Variants in LPP observed in about 807,000 individuals in gnomAD.
LPP encodes the protein LIM domain containing preferred translocation partner in lipoma, also known as lipoma-preferred partner.
LPP carries 38 observed loss-of-function variants against 60.4 expected under a neutral mutation model. The ratio of observed to expected loss-of-function variants is 0.63; its 90% CI spans 0.49 to 0.83. The LOEUF is 0.83. Among genes scored for constraint, LPP ranks in the 40% least tolerant of loss-of-function variants. The pLI is 0.00. For missense variants in LPP, 902 were observed against 783.6 expected (o/e 1.15, Z -1.80); for synonymous variants, 328 against 290.8 (o/e 1.13, Z -1.30).
intron 5 of LPP, among the ~76,000 whole-genome samples, chr3:188,496,325 C>T (rs940554129): frequency 1.3e-5 from 2 of 152,174 alleles, no homozygotes; most frequent in African/African-American, 4.8e-5. Context: ...GACAAGGTTT[C>T]ACCATGTTGG....
intron 9 of LPP, among the ~76,000 whole-genome samples, chr3:188,785,525 TATATTCCATCATATATATATATACAC>T (rs1741450466): frequency 7.6e-5 from 3 of 39,356 alleles, no homozygotes; most frequent in African/African-American, 4.0e-4. Context: ...TATATATATA[TATATTCCATCATATATATATATACAC>T]ACACACACAC....
chr3:188,549,484 G>A (rs1827509700), intron 6 of LPP, among the ~76,000 whole-genome samples: 1 of 152,186 alleles, frequency 6.6e-6, no homozygotes. Flanking sequence ...TGATAGTTCA[G>A]TGACCTGTAA....
At chr3:188,587,769 T>G (rs1435831159) in intron 6 of LPP, among the ~76,000 whole-genome samples, 1 of 152,214 alleles carries the variant, frequency 6.6e-6, no homozygotes, top group Non-Finnish European at 1.5e-5. Context: ...CTACTATTAT[T>G]TGGCTTCCTT....
In LPP at chr3:188,592,546, G is replaced by GTTTCGTTTTTTTTTT. The variant is rs1560607242; in HGVS notation, c.430-16612_430-16611insCGTTTTTTTTTTTTT. On this transcript the variant is annotated intron_variant, in intron 6 of 11. Coordinates refer to ENST00000617246, the MANE Select transcript of LPP (RefSeq NM_001375462.1). The stretch of plus-strand genomic sequence containing the variant: ...TCTACAATGAGTATCACTGTTTTTA[G>GTTTCGTTTTTTTTTT]TTTTGTTTTTGTTTTTTAAATGGAG... 2.4e-4 allele frequency among the ~76,000 whole-genome samples: 24 copies of GTTTCGTTTTTTTTTT among 98,444 alleles called. 1 individual carries two copies. In the East Asian group the frequency reaches 7.4e-3, roughly 30 times the overall value. The allele number at this position is 98,444 out of a possible 152,430, so 64.6% of individuals were successfully genotyped here.
intron 1 of LPP, among the ~76,000 whole-genome samples, chr3:188,163,485 T>C (rs1393221996): frequency 1.3e-5 from 2 of 152,186 alleles, no homozygotes; most frequent in African/African-American, 4.8e-5. Flanking sequence ...TCCTTTTTAC[T>C]CTCATAGGTG....
At chr3:188,781,917 C>T (rs1446108185) in intron 9 of LPP, among the ~76,000 whole-genome samples, 1 of 150,694 alleles carries the variant, frequency 6.6e-6, no homozygotes, top group Non-Finnish European at 1.5e-5. Context: ...AAATCTATCA[C>T]CCCCCTTGAT....
chr3:188,254,832 G>A (rs1298698835), intron 2 of LPP, among the ~76,000 whole-genome samples: 1 of 152,092 alleles, frequency 6.6e-6, no homozygotes, highest in Non-Finnish European at 1.5e-5. Flanking sequence ...ATCCTAACAG[G>A]ACTTTTGACA....
chr3:188,744,786 C>G (rs1339615548), intron 8 of LPP, among the ~76,000 whole-genome samples: 1 of 152,062 alleles, frequency 6.6e-6, no homozygotes, highest in Admixed American at 6.6e-5. Flanking sequence ...CCATTTTTTA[C>G]TTGAAACTGG....
At chr3:188,861,923 G>A (rs1327871393) in intron 9 of LPP, among the ~76,000 whole-genome samples, 3 of 152,154 alleles carry the variant, frequency 2.0e-5, no homozygotes, top group African/African-American at 7.2e-5. Flanking sequence ...TTTCATTGGA[G>A]TAGCCTAAAA....
chr3:188,334,381 A>T (rs953224182), intron 2 of LPP, among the ~76,000 whole-genome samples: 1 of 144,514 alleles, frequency 6.9e-6, no homozygotes, highest in Admixed American at 6.9e-5. Flanking sequence ...CTTTGGATAT[A>T]TGACCAGCAG....
At chr3:188,760,435 T>TGTGTGTGTGTGCGC (rs777127864) in intron 9 of LPP, among the ~76,000 whole-genome samples, 153 bp downstream of exon 9, 204 of 151,194 alleles carry the variant, frequency 1.3e-3, no homozygotes, top group Non-Finnish European at 2.0e-3. Flanking sequence ...TGTGTGTGTG[T>TGTGTGTGTGTGCGC]GCGTGCGCGC....
intron 5 of LPP, among the ~76,000 whole-genome samples, chr3:188,517,663 A>G (rs1296417362): frequency 6.6e-6 from 1 of 152,182 alleles, no homozygotes; most frequent in African/African-American, 2.4e-5. Flanking sequence ...CACTTCTTAC[A>G]TGGCGGTGGT....
At chr3:188,639,685 C>A (rs1287630584) in intron 7 of LPP, among the ~76,000 whole-genome samples, 4 of 151,248 alleles carry the variant, frequency 2.6e-5, no homozygotes, top group East Asian at 1.9e-4. Context: ...AAACAAACAA[C>A]CCCATCAAAA....
chr3:188,678,994 T>C (rs1156598775), intron 7 of LPP, among the ~76,000 whole-genome samples: 1 of 152,206 alleles, frequency 6.6e-6, no homozygotes, highest in African/African-American at 2.4e-5. Context: ...CATGGGAAGA[T>C]GCTGGCATTT....
At chr3:188,214,866 C>T (rs937394889) in intron 1 of LPP, among the ~76,000 whole-genome samples, 1 of 152,170 alleles carries the variant, frequency 6.6e-6, no homozygotes, top group South Asian at 2.1e-4. Context: ...GCATTGGTTG[C>T]TTAATGGGTG....
chr3:188,488,742 T>C (rs1248329247), intron 5 of LPP, among the ~76,000 whole-genome samples: 1 of 152,002 alleles, frequency 6.6e-6, no homozygotes, highest in Non-Finnish European at 1.5e-5. Context: ...GTTCAAGCGA[T>C]TCTCCTGCCT....
intron 6 of LPP, among the ~76,000 whole-genome samples, chr3:188,555,985 A>G (rs4686974): frequency 0.96 from 146,338 of 152,126 alleles, 70,592 homozygotes; most frequent in East Asian, 1. Flanking sequence ...ACACTGAGGT[A>G]GGAGGAAATG....
intron 6 of LPP, among the ~76,000 whole-genome samples, chr3:188,563,873 C>T (rs948397493): frequency 1.3e-5 from 2 of 151,718 alleles, no homozygotes; most frequent in African/African-American, 4.8e-5. Context: ...CCAGACACTT[C>T]TCTAAACAGA....
intron 9 of LPP, among the ~76,000 whole-genome samples, chr3:188,767,427 T>C (rs746270950): frequency 3.9e-5 from 6 of 152,082 alleles, no homozygotes; most frequent in Non-Finnish European, 8.8e-5. Context: ...ATAAGAAGGG[T>C]GAAAACATAT....
Sources: gnomAD v4.1 joint callset for allele counts (sites outside exome capture counted in the v4.1 genomes callset) on GRCh38, gnomAD v4.1.1 for gene constraint, MANE v1.5 for transcripts, NCBI Gene and HGNC (gene_info 2026-07-23, HGNC 2026-07-21) for gene names.